CPNE8: variants seen among roughly 807,000 people sequenced by gnomAD.
The protein encoded by CPNE8 is copine 8, also known as copine-8.
Under a neutral mutation model 81.5 loss-of-function variants are expected in CPNE8, and 45 were observed. The observed-to-expected ratio is 0.55, with a 90% confidence interval of 0.44 to 0.71. The LOEUF (loss-of-function observed/expected upper bound fraction) is 0.71, where lower values mean the gene tolerates loss of function less well. Ranked by LOEUF, CPNE8 falls within the 30% of genes least tolerant of loss-of-function variation. The pLI, the probability that CPNE8 is intolerant of heterozygous loss-of-function variation, is 0.00. For synonymous variants in CPNE8, 252 were observed against 226.3 expected (o/e 1.11, Z -1.02); for missense variants, 594 against 672.1 (o/e 0.88, Z 1.28).
chr12:38,860,088 T>C (rs1351594855), intron 3 of CPNE8, among the ~76,000 whole-genome samples: 8 of 152,076 alleles, frequency 5.3e-5, no homozygotes, highest in Non-Finnish European at 7.4e-5. Context: ...AGCTTTTCCA[T>C]GGCAAAGGAA....
intron 6 of CPNE8, among the ~76,000 whole-genome samples, chr12:38,820,892 A>G (rs527771649): frequency 7.9e-5 from 12 of 152,238 alleles, no homozygotes; most frequent in Admixed American, 5.2e-4. Flanking sequence ...CCTTACATCC[A>G]CTGTCTCATG....
chr12:38,822,774 A>T (rs1402314551), intron 6 of CPNE8, among the ~76,000 whole-genome samples: 1 of 152,120 alleles, frequency 6.6e-6, no homozygotes. Context: ...CATAAAAAAA[A>T]GTATAGATGT....
intron 10 of CPNE8, among the ~76,000 whole-genome samples, chr12:38,743,157 C>A (rs1215301845): frequency 3.9e-5 from 6 of 151,924 alleles, no homozygotes; most frequent in Non-Finnish European, 2.9e-5. Flanking sequence ...ATCAAAAAAG[C>A]AAACCCGTTT....
At chr12:38,821,228 C>G (rs1235078031) in intron 6 of CPNE8, among the ~76,000 whole-genome samples, 1 of 152,090 alleles carries the variant, frequency 6.6e-6, no homozygotes, top group Admixed American at 6.5e-5. Context: ...CATGATTATT[C>G]ATTTAATGAA....
At chr12:38,794,421 T>C (rs1942404692) in intron 6 of CPNE8, among the ~76,000 whole-genome samples, 1 of 152,044 alleles carries the variant, frequency 6.6e-6, no homozygotes. Flanking sequence ...TAAGTATATA[T>C]CCAATAGAGA....
chr12:38,699,721 T>C (rs948283921), intron 14 of CPNE8, among the ~76,000 whole-genome samples: 24 of 152,196 alleles, frequency 1.6e-4, no homozygotes, highest in Admixed American at 1.3e-3. Flanking sequence ...CAAATTACTA[T>C]GAACTATAGC....
At chr12:38,853,479 A>G (rs967204679) in intron 3 of CPNE8, among the ~76,000 whole-genome samples, 1 of 152,134 alleles carries the variant, frequency 6.6e-6, no homozygotes, top group South Asian at 2.1e-4. Context: ...GAAGCCAAGC[A>G]CTTTTACATA....
At chr12:38,675,921 A>G (rs1299815131) in intron 17 of CPNE8, 147 bp from the exon 18 acceptor site, 11 of 625,082 alleles carry the variant, frequency 1.8e-5, no homozygotes, top group East Asian at 2.8e-5. Flanking sequence ...GGAGTTTGAG[A>G]ACAGCCTGGG....
intron 6 of CPNE8, 38 bp from the exon 7 acceptor site, chr12:38,776,339 TTA>T (rs1941935538): frequency 2.6e-6 from 2 of 775,740 alleles, no homozygotes; most frequent in Non-Finnish European, 3.9e-6. Flanking sequence ...CATTAATATG[TTA>T]TATTAATACT....
intron 8 of CPNE8, among the ~76,000 whole-genome samples, chr12:38,766,680 G>A (rs1941696617): frequency 6.6e-6 from 1 of 151,864 alleles, no homozygotes; most frequent in Non-Finnish European, 1.5e-5. Context: ...ATATATAAGT[G>A]CAGCATTTTT....
At chr12:38,723,944 A>G in intron 12 of CPNE8, 111 bp from the exon 13 acceptor site, 1 of 675,626 alleles carries the variant, frequency 1.5e-6, no homozygotes, top group Admixed American at 2.8e-5. Flanking sequence ...CTCACTAAAG[A>G]TATTATTTTT....
chr12:38,797,953 T>A (rs1009820148), intron 6 of CPNE8, among the ~76,000 whole-genome samples: 3 of 151,918 alleles, frequency 2.0e-5, no homozygotes, highest in Admixed American at 1.3e-4. Flanking sequence ...GTATCAGTGA[T>A]GGAAGATGAA....
At position 38,762,163 on chromosome 12, in the gene CPNE8, C is replaced by A; in HGVS notation, c.629G>T (p.Trp210Leu). 6.2e-7 allele frequency: 1 copy of A among 1,604,830 alleles called. No individual in the cohort carries two copies. The highest frequency in any genetic ancestry group is 1.1e-5 in the South Asian group (1 of 89,562). The stretch of plus-strand genomic sequence containing the variant: ...TCTGACTGAGATCTTGAATGCTTGC[C>A]ATACTGGATTTAGAGTGTTTTTGAC... ...EVVKNTLNPV[W>L]QAFKISVRAL... The change falls in exon 9 of 20, where the codon TGG becomes TTG. Residue 210 changes from tryptophan to leucine, a missense_variant. Coordinates refer to ENST00000331366, the MANE Select transcript of CPNE8 (RefSeq NM_153634.3).
At chr12:38,760,816 T>A in intron 10 of CPNE8, 31 bp downstream of exon 10, 1 of 1,563,142 alleles carries the variant, frequency 6.4e-7, no homozygotes, top group Non-Finnish European at 8.8e-7. Context: ...GTACACCCAG[T>A]TCAAGAGTAA....
At chr12:38,797,440 G>T (rs1344829132) in intron 6 of CPNE8, among the ~76,000 whole-genome samples, 1 of 152,174 alleles carries the variant, frequency 6.6e-6, no homozygotes. Flanking sequence ...GGCAAACAGG[G>T]TCTGGAGTGG....
intron 1 of CPNE8, among the ~76,000 whole-genome samples, chr12:38,891,517 G>A (rs902397223): frequency 2.0e-5 from 3 of 150,720 alleles, no homozygotes; most frequent in Non-Finnish European, 2.9e-5. Context: ...GCACGATCTC[G>A]GCTCACCACA....
chr12:38,874,540 G>A, intron 1 of CPNE8, 29 bp from the exon 2 acceptor site: 1 of 1,446,060 alleles, frequency 6.9e-7, no homozygotes, highest in South Asian at 1.2e-5. Context: ...AATGTTAGCT[G>A]GATATAAAAG....
Position 38,685,590 on chromosome 12 carries a change from C to T in CPNE8, c.1171G>A (p.Asp391Asn). The change falls in exon 16 of 20, where the codon GAT becomes AAT. Residue 391 changes from aspartate to asparagine, a missense_variant. Asp to Asn is a conservative substitution (Grantham distance 23). Coordinates refer to ENST00000331366, the MANE Select transcript of CPNE8 (RefSeq NM_153634.3). ...LNGNPQNPYC[D>N]GIEGVMEAYY... ...GCCTCCATGACCCCCTCAATGCCAT[C>T]ACAGTAGGGGTTTTGAGGATTCCCA... 1 of 1,613,494 alleles carries T rather than the reference C, an allele frequency of 6.2e-7. No homozygotes were observed. Among genetic ancestry groups the T allele is most frequent in the Non-Finnish European group, 8.5e-7 (1 of 1,179,586 alleles).
chr12:38,893,465 C>T (rs921324210), intron 1 of CPNE8, among the ~76,000 whole-genome samples: 1 of 131,510 alleles, frequency 7.6e-6, no homozygotes. Context: ...GAGCAAGTTA[C>T]CCTCTATGTT....
Sources: allele counts gnomAD v4.1 joint callset (sites outside exome capture counted in the v4.1 genomes callset), GRCh38; gene constraint gnomAD v4.1.1; transcripts MANE v1.5; gene names NCBI Gene and HGNC (gene_info 2026-07-23, HGNC 2026-07-21).